The following EEFSEC variants were observed in gnomAD, a reference collection of about 807,000 sequenced individuals.
The protein encoded by EEFSEC is eukaryotic elongation factor, selenocysteine-tRNA specific.
In EEFSEC, 43 loss-of-function variants were observed where a neutral mutation model predicts 42.1. That is an observed-to-expected ratio of 1.02 (90% CI 0.80 to 1.32). The LOEUF (loss-of-function observed/expected upper bound fraction) is 1.32, where lower values mean the gene tolerates loss of function less well. EEFSEC is among the 40% of genes most tolerant of loss of function. EEFSEC has a pLI of 0.00. For missense variants in EEFSEC, 745 were observed against 803.6 expected (o/e 0.93, Z 0.88); for synonymous variants, 354 against 339.1 (o/e 1.04, Z -0.48).
chr3:128,361,927 G>T (rs1300105241), intron 6 of EEFSEC, among the ~76,000 whole-genome samples: 4 of 151,968 alleles, frequency 2.6e-5, no homozygotes, highest in Non-Finnish European at 5.9e-5. Flanking sequence ...ATTCCCAAGG[G>T]TTGTAGGGTG....
intron 1 of EEFSEC, among the ~76,000 whole-genome samples, chr3:128,225,537 C>T (rs867807927): frequency 6.6e-6 from 1 of 152,230 alleles, no homozygotes; most frequent in Non-Finnish European, 1.5e-5. Context: ...GCTTACTTTG[C>T]AGGGTTGTTG....
At chr3:128,272,346 T>C in intron 4 of EEFSEC, among the ~76,000 whole-genome samples, 1 of 152,196 alleles carries the variant, frequency 6.6e-6, no homozygotes, top group Non-Finnish European at 1.5e-5. Context: ...CCTAGGGGTT[T>C]GGGGAAAAGC....
At chr3:128,410,634 T>C (rs1210535361), downstream of EEFSEC, among the ~76,000 whole-genome samples, 1 of 152,048 alleles carries the variant, frequency 6.6e-6, no homozygotes, top group African/African-American at 2.4e-5. Flanking sequence ...ATGTATAAAA[T>C]GGAAGAAGAA....
At chr3:128,403,902 G>A (rs1335573039) in intron 6 of EEFSEC, among the ~76,000 whole-genome samples, 1 of 152,244 alleles carries the variant, frequency 6.6e-6, no homozygotes, top group African/African-American at 2.4e-5. Flanking sequence ...AGATCTGGCT[G>A]CCTTGTTCAC....
chr3:128,413,280 T>A (rs986293528), downstream of EEFSEC, among the ~76,000 whole-genome samples: 17 of 152,248 alleles, frequency 1.1e-4, no homozygotes, highest in Non-Finnish European at 1.5e-4. Context: ...AGGCCCCAAG[T>A]TGAGTGCTCG....
intron 1 of EEFSEC, among the ~76,000 whole-genome samples, chr3:128,188,284 G>A (rs2107799709): frequency 6.6e-6 from 1 of 152,304 alleles, no homozygotes; most frequent in Non-Finnish European, 1.5e-5. Context: ...GAGGTACTTG[G>A]AACAGAATGG....
At chr3:128,197,027 G>T (rs1221941491) in intron 1 of EEFSEC, among the ~76,000 whole-genome samples, 2 of 152,158 alleles carry the variant, frequency 1.3e-5, no homozygotes, top group Admixed American at 6.5e-5. Context: ...TTATTGCTGT[G>T]ATTTCTTCTT....
intron 4 of EEFSEC, among the ~76,000 whole-genome samples, chr3:128,266,431 G>A (rs1478880940): frequency 5.9e-5 from 9 of 152,142 alleles, no homozygotes; most frequent in Admixed American, 3.3e-4. Context: ...TGGAGGGCAG[G>A]CATGAACAGG....
chr3:128,375,000 C>A (rs1308478480), intron 6 of EEFSEC, among the ~76,000 whole-genome samples: 3 of 152,310 alleles, frequency 2.0e-5, no homozygotes, highest in Middle Eastern at 3.4e-3. Flanking sequence ...GCTAAGGGCC[C>A]AACATGAATT....
At chr3:128,372,092 T>A (rs1339282718) in intron 6 of EEFSEC, among the ~76,000 whole-genome samples, 1 of 152,230 alleles carries the variant, frequency 6.6e-6, no homozygotes. Context: ...TTAGGGAAAA[T>A]TTGTATTTTT....
intron 2 of EEFSEC, among the ~76,000 whole-genome samples, chr3:128,253,377 T>C (rs1374637820): frequency 6.6e-6 from 1 of 152,130 alleles, no homozygotes; most frequent in East Asian, 1.9e-4. Context: ...CTTTCTCCTA[T>C]GGGAGAGGCC....
At chr3:128,174,281 C>T (rs1358074425) in intron 1 of EEFSEC, among the ~76,000 whole-genome samples, 3 of 152,234 alleles carry the variant, frequency 2.0e-5, no homozygotes, top group Admixed American at 6.5e-5. Context: ...ACAGAAAATA[C>T]AGTTTACAAT....
chr3:128,233,449 T>A (rs1482617152), intron 1 of EEFSEC, among the ~76,000 whole-genome samples: 1 of 152,218 alleles, frequency 6.6e-6, no homozygotes, highest in East Asian at 1.9e-4. Flanking sequence ...AATTCATACT[T>A]CTTCCCTGAT....
At chr3:128,332,943 A>G (rs558036397) in intron 4 of EEFSEC, among the ~76,000 whole-genome samples, 1 of 152,240 alleles carries the variant, frequency 6.6e-6, no homozygotes, top group Non-Finnish European at 1.5e-5. Flanking sequence ...GGTCTGATGG[A>G]GCCAAACCTA....
intron 1 of EEFSEC, among the ~76,000 whole-genome samples, chr3:128,241,078 A>G (rs2066065258): frequency 6.6e-6 from 1 of 152,168 alleles, no homozygotes; most frequent in African/African-American, 2.4e-5. Context: ...CTTGCTGCTC[A>G]GAGTTTCAGG....
chr3:128,292,438 T>A (rs2066653904), intron 4 of EEFSEC, among the ~76,000 whole-genome samples: 1 of 151,844 alleles, frequency 6.6e-6, no homozygotes, highest in African/African-American at 2.4e-5. Context: ...AATGAAGCTA[T>A]GAGGGCATAT....
intron 4 of EEFSEC, among the ~76,000 whole-genome samples, chr3:128,270,177 C>G (rs917168912): frequency 6.6e-6 from 1 of 152,208 alleles, no homozygotes; most frequent in South Asian, 2.1e-4. Context: ...CTAGGAGATA[C>G]AAGCTTTAGC....
At chr3:128,411,578 C>T (rs1353257415), downstream of EEFSEC, among the ~76,000 whole-genome samples, 2 of 152,166 alleles carry the variant, frequency 1.3e-5, no homozygotes, top group African/African-American at 4.8e-5. Context: ...GTGCCCTGGG[C>T]CCCCTCACCT....
chr3:128,394,138 C>T (rs1193692744), intron 6 of EEFSEC, among the ~76,000 whole-genome samples: 3 of 152,342 alleles, frequency 2.0e-5, no homozygotes, highest in Admixed American at 2.0e-4. Context: ...TCAGCACAGA[C>T]ACAGGGTGCC....
Sources: gnomAD v4.1 joint callset for allele counts (sites outside exome capture counted in the v4.1 genomes callset) on GRCh38, gnomAD v4.1.1 for gene constraint, MANE v1.5 for transcripts, NCBI Gene and HGNC (gene_info 2026-07-23, HGNC 2026-07-21) for gene names.